CABIN1: variants seen among roughly 807,000 people sequenced by gnomAD.
CABIN1 encodes calcineurin-binding protein cabin-1.
In CABIN1, 133 loss-of-function variants were observed where a neutral mutation model predicts 227.7. The observed-to-expected ratio is 0.58, with a 90% confidence interval of 0.51 to 0.67. The LOEUF is 0.67. Ranked by LOEUF, CABIN1 falls within the 30% of genes least tolerant of loss-of-function variation. The pLI is 0.00. For missense variants in CABIN1, 2,408 were observed against 2,852.5 expected, an observed-to-expected ratio of 0.84 and a Z score of 3.55; for synonymous variants, 1,086 against 1,155.1, an observed-to-expected ratio of 0.94 and a Z score of 1.21.
At chr22:24,138,238 CAG>C (rs1354576984) in intron 29 of CABIN1, among the ~76,000 whole-genome samples, 2 of 152,182 alleles carry the variant, frequency 1.3e-5, no homozygotes, top group Non-Finnish European at 2.9e-5. Flanking sequence ...TCAACACAAA[CAG>C]AAGACTTCTG....
At chr22:24,057,062 G>C (rs917299292) in intron 10 of CABIN1, among the ~76,000 whole-genome samples, 4 of 151,954 alleles carry the variant, frequency 2.6e-5, no homozygotes, top group Admixed American at 6.6e-5. Flanking sequence ...TCAGCCTCAC[G>C]CATAGCTGGG....
chr22:24,045,170 C>G (rs566252098), intron 6 of CABIN1, among the ~76,000 whole-genome samples: 4 of 152,322 alleles, frequency 2.6e-5, no homozygotes, highest in African/African-American at 9.6e-5. Flanking sequence ...GTGATCCGCC[C>G]GCCTTGGCCT....
At position 24,057,770 on chromosome 22, in the gene CABIN1, G is replaced by A. The variant is rs150630451; in HGVS notation, c.1262+1410G>A. ...ATAATGATTGTTCTCAGTACTTGAC[G>A]CAGAACCAAAGTGGGGCTGCAGTGC... On this transcript the variant is annotated intron_variant, in intron 10 of 36. Transcript: ENST00000263119. Among the ~76,000 whole-genome samples the A allele has an allele frequency of 3.8e-4, 58 of 152,310 alleles. 1 individual carries two copies. The highest frequency in any genetic ancestry group is 6.8e-3 in the Middle Eastern group (2 of 294).
chr22:24,041,151 G>A lies in CABIN1; in HGVS notation c.223G>A (p.Gly75Ser), dbSNP rs373397039. ...ASLLREAVSS[G>S]DEKEGLKHPG... is the part of the protein sequence containing the mutation. ...GTTTTGTTCACAGGCAGTTTCATCC[G>A]GTGATGAGAAAGAGGGGTTGAAACA... The change falls in exon 5 of 37, where the codon GGT becomes AGT. Residue 75 changes from glycine to serine, a missense_variant. Gly to Ser is a moderately conservative substitution (Grantham distance 56). Transcript: ENST00000263119. 34 of 1,614,030 alleles carry A rather than the reference G, an allele frequency of 2.1e-5. No individual in the cohort carries two copies. Among genetic ancestry groups the A allele is most frequent in the East Asian group, 8.9e-5 (4 of 44,896 alleles).
rs148452293 is a variant in CABIN1, at chr22:24,132,013, G to A, written c.4633-2289G>A. ...TCACTTGGAGGTTTCAGTGAGCTGA[G>A]AGCACACCACTATACTCCACCCTGG... On this transcript the variant is annotated intron_variant, in intron 28 of 36. Transcript: ENST00000263119. 2.4e-3 allele frequency among the ~76,000 whole-genome samples: 361 copies of A among 150,238 alleles called. 5 individuals carry two copies. In the South Asian group the frequency reaches 0.031, roughly 13 times the overall value.
At chr22:24,111,771 A>G (rs1326050659) in intron 26 of CABIN1, among the ~76,000 whole-genome samples, 1 of 152,256 alleles carries the variant, frequency 6.6e-6, no homozygotes, top group African/African-American at 2.4e-5. Flanking sequence ...AGTCAAAAAA[A>G]TTTTAAGTTG....
chr22:24,122,956 G>C (rs951112925), intron 28 of CABIN1, among the ~76,000 whole-genome samples: 2 of 152,130 alleles, frequency 1.3e-5, no homozygotes, highest in Non-Finnish European at 2.9e-5. Context: ...GGGTCACACA[G>C]AGCTGAGTGA....
At chr22:24,080,872 G>A (rs528117201) in intron 19 of CABIN1, among the ~76,000 whole-genome samples, 154 of 152,134 alleles carry the variant, frequency 1.0e-3, no homozygotes, top group African/African-American at 3.4e-3. Flanking sequence ...TATCATCCAC[G>A]AATAACTATT....
At chr22:24,036,029 T>C in intron 2 of CABIN1, 60 bp from the exon 3 acceptor site, 1 of 1,088,010 alleles carries the variant, frequency 9.2e-7, no homozygotes, top group African/African-American at 1.5e-5. Context: ...CTGTGGGTAT[T>C]TGAAGAGATG....
At chr22:24,041,590 A>G (rs976757827) in intron 5 of CABIN1, among the ~76,000 whole-genome samples, 1 of 152,226 alleles carries the variant, frequency 6.6e-6, no homozygotes, top group African/African-American at 2.4e-5. Context: ...ATATAGTGGT[A>G]ATAATAAAGA....
Position 24,119,579 on chromosome 22 carries a change from C to T in CABIN1, c.4513C>T (p.Arg1505Trp), listed in dbSNP as rs758330756. Residue 1505 changes from arginine to tryptophan, a missense_variant, in exon 28 of 37, where the codon CGG (arginine) becomes TGG (tryptophan). Coordinates refer to ENST00000263119, the MANE Select transcript of CABIN1 (RefSeq NM_012295.4). ...QGLPAGAEEQ[R>W]QFLTEQCIAS... ...GCTGCCGGCTGGTGCTGAGGAGCAG[C>T]GGCAGTTTCTCACAGAGCAGTGCAT... is the stretch of plus-strand genomic sequence containing the variant. 2.5e-6 allele frequency: 4 copies of T among 1,613,310 alleles called. No homozygotes were observed. The highest frequency in any genetic ancestry group is 3.3e-5 in the Admixed American group (2 of 59,996).
intron 29 of CABIN1, 114 bp downstream of exon 29, chr22:24,134,529 C>T (rs1322224472): frequency 3.8e-6 from 3 of 793,986 alleles, no homozygotes; most frequent in Non-Finnish European, 6.4e-6. Context: ...TTTGCGGCAT[C>T]CTCAGAGGGC....
chr22:24,164,464 G>T lies in CABIN1; in HGVS notation c.4811G>T (p.Arg1604Leu). ...RPGSFAWHMN[R>L]SIVLLLKVLA... ...GGCAGCTTTGCCTGGCACATGAACC[G>T]CTCCATCGTGCTGCTGCTCAAGGTG... Residue 1604 changes from arginine to leucine, a missense_variant, in exon 30 of 37, where the codon CGC (arginine) becomes CTC (leucine). Arg to Leu is a moderately radical substitution (Grantham distance 102). Transcript: ENST00000263119. 3 of 1,605,706 alleles carry T rather than the reference G, an allele frequency of 1.9e-6. 1 individual carries two copies. Among genetic ancestry groups the T allele is most frequent in the Non-Finnish European group, 2.5e-6 (3 of 1,179,956 alleles).
At chr22:24,096,220 T>A in intron 25 of CABIN1, 138 bp downstream of exon 25, 1 of 982,306 alleles carries the variant, frequency 1.0e-6, no homozygotes, top group South Asian at 1.3e-5. Flanking sequence ...CTAGGACCCA[T>A]CTGGAAACTC....
chr22:24,164,319 T>G, intron 29 of CABIN1, 81 bp from the exon 30 acceptor site: 1 of 1,566,360 alleles, frequency 6.4e-7, no homozygotes, highest in Non-Finnish European at 8.7e-7. Flanking sequence ...TGTGGCAGTT[T>G]CCAGGGGATA....
chr22:24,028,120 A>G (rs2036231602), intron 1 of CABIN1, among the ~76,000 whole-genome samples: 1 of 152,230 alleles, frequency 6.6e-6, no homozygotes, highest in Non-Finnish European at 1.5e-5. Context: ...GTGCAGCAGC[A>G]TTATATCTAA....
chr22:24,118,932 G>A (rs752421255), intron 27 of CABIN1, among the ~76,000 whole-genome samples: 1 of 152,218 alleles, frequency 6.6e-6, no homozygotes, highest in African/African-American at 2.4e-5. Flanking sequence ...CAGGCAGTGG[G>A]CTGAGCACTG....
Position 24,091,581 on chromosome 22 carries a change from A to G in CABIN1, c.3526-2A>G. ...CAGCCCAGTCTCATGATCTTCTTAC[A>G]GATGGAGGGCCGGCGCGACAGCATG... On this transcript the variant is annotated splice_acceptor_variant, in intron 23 of 36. Transcript: ENST00000263119. LOFTEE classifies it high-confidence loss of function. The G allele has an allele frequency of 6.2e-7, 1 of 1,614,204 alleles. No individual in the cohort carries two copies. Among genetic ancestry groups the G allele is most frequent in the Non-Finnish European group, 8.5e-7 (1 of 1,180,050 alleles).
chr22:24,141,125 G>A (rs1320724473), intron 29 of CABIN1, among the ~76,000 whole-genome samples: 2 of 152,218 alleles, frequency 1.3e-5, no homozygotes, highest in East Asian at 3.8e-4. Context: ...GCCAGTGCTA[G>A]GATGTGACTG....
Sources: allele counts gnomAD v4.1 joint callset (sites outside exome capture counted in the v4.1 genomes callset), GRCh38; gene constraint gnomAD v4.1.1; transcripts MANE v1.5; gene names NCBI Gene and HGNC (gene_info 2026-07-23, HGNC 2026-07-21).